The following WWOX variants were observed in gnomAD, a reference collection of about 807,000 sequenced individuals.
WWOX encodes the protein WW domain containing oxidoreductase, also known as WW domain-containing oxidoreductase.
A neutral mutation model predicts 46.2 loss-of-function variants in WWOX; 69 were observed. That is an observed-to-expected ratio of 1.49 (90% confidence interval 1.23 to 1.82). The LOEUF (loss-of-function observed/expected upper bound fraction) is 1.82, where lower values mean the gene tolerates loss of function less well. WWOX is among the 40% of genes most tolerant of loss of function. The probability of loss-of-function intolerance (pLI) is 0.00; values close to 1 mark genes in which losing one functional copy is unlikely to be tolerated. For synonymous variants in WWOX, 359 were observed against 202.6 expected (o/e 1.77, Z -6.56); for missense variants, 919 against 542.6 (o/e 1.69, Z -6.89).
At chr16:78,609,357 G>A (rs967494443) in intron 8 of WWOX, among the ~76,000 whole-genome samples, 6 of 151,824 alleles carry the variant, frequency 4.0e-5, no homozygotes, top group African/African-American at 7.3e-5. Context: ...TTATTTTCTT[G>A]CTCAGAGAGG....
intron 8 of WWOX, among the ~76,000 whole-genome samples, chr16:79,068,371 G>T (rs1276499661): frequency 6.6e-6 from 1 of 152,150 alleles, no homozygotes; most frequent in East Asian, 1.9e-4. Context: ...TTGTTCAGTG[G>T]TAAGGTGCAG....
intron 8 of WWOX, among the ~76,000 whole-genome samples, chr16:78,615,468 G>A (rs1048400455): frequency 6.6e-6 from 1 of 152,014 alleles, no homozygotes; most frequent in Non-Finnish European, 1.5e-5. Flanking sequence ...GGGCAGCATA[G>A]CACGACCCAT....
chr16:78,119,137 A>T (rs2032964136), intron 4 of WWOX: 1 of 152,154 alleles, frequency 6.6e-6, no homozygotes, highest in African/African-American at 2.4e-5. Context: ...GGAGGAATTC[A>T]TTTCTGTTTG....
At chr16:78,796,501 T>G (rs2050741592) in intron 8 of WWOX, among the ~76,000 whole-genome samples, 1 of 152,242 alleles carries the variant, frequency 6.6e-6, no homozygotes. Flanking sequence ...TGGTGATGCC[T>G]CGAGGAGGCA....
At chr16:79,051,809 A>G (rs1302561853) in intron 8 of WWOX, among the ~76,000 whole-genome samples, 1 of 152,200 alleles carries the variant, frequency 6.6e-6, no homozygotes, top group Non-Finnish European at 1.5e-5. Context: ...ACATTCTTAA[A>G]TATCTGCTAG....
intron 7 of WWOX, among the ~76,000 whole-genome samples, chr16:78,425,326 A>G (rs2083051727): frequency 6.6e-6 from 1 of 152,208 alleles, no homozygotes; most frequent in African/African-American, 2.4e-5. Flanking sequence ...ATAATAATTG[A>G]TGAAATCTGA....
chr16:78,432,777 C>T lies in WWOX; in HGVS notation c.1056+25C>T, dbSNP rs757159180. 72 of 1,613,906 alleles carry T rather than the reference C, an allele frequency of 4.5e-5. 1 individual carries two copies. Among genetic ancestry groups the T allele is most frequent in the Non-Finnish European group, 4.2e-6 (5 of 1,179,990 alleles). ...GGTAAGAGAACAGCTTCTGGCGCCGCAAACACCTTGGGTCCTAGAGAAACC... is the reference window on the plus strand; with the variant it reads ...GGTAAGAGAACAGCTTCTGGCGCCGTAAACACCTTGGGTCCTAGAGAAACC... On this transcript the variant is annotated intron_variant, in intron 8 of 8. Coordinates refer to ENST00000566780, the MANE Select transcript of WWOX (RefSeq NM_016373.4).
At chr16:78,827,070 C>T (rs2051677616) in intron 8 of WWOX, among the ~76,000 whole-genome samples, 1 of 152,140 alleles carries the variant, frequency 6.6e-6, no homozygotes. Flanking sequence ...GAGCTTTGAT[C>T]CCTGGTTTCT....
At chr16:78,919,564 A>G (rs2151267565) in intron 8 of WWOX, among the ~76,000 whole-genome samples, 1 of 134,100 alleles carries the variant, frequency 7.5e-6, no homozygotes, top group East Asian at 2.2e-4. Context: ...TGTCTGCCAG[A>G]TGGAGCACAA....
chr16:78,817,169 A>ATTTTTTTTTT (rs1460643310), intron 8 of WWOX, among the ~76,000 whole-genome samples: 2 of 26,584 alleles, frequency 7.5e-5, no homozygotes, highest in African/African-American at 1.5e-4. Context: ...CATTAGTGCT[A>ATTTTTTTTTT]TTCTTTTTTT....
At chr16:78,647,328 A>T (rs1350624017) in intron 8 of WWOX, among the ~76,000 whole-genome samples, 1 of 152,264 alleles carries the variant, frequency 6.6e-6, no homozygotes, top group South Asian at 2.1e-4. Context: ...ATGAGGAGTA[A>T]CTGAGCTGCA....
At chr16:79,089,298 A>G (rs2048909825) in intron 8 of WWOX, among the ~76,000 whole-genome samples, 2 of 151,188 alleles carry the variant, frequency 1.3e-5, no homozygotes, top group Non-Finnish European at 2.9e-5. Context: ...GTTTGATTAT[A>G]AATTAGCGTC....
intron 8 of WWOX, among the ~76,000 whole-genome samples, chr16:79,013,836 C>G (rs543608848): frequency 5.9e-5 from 9 of 152,244 alleles, no homozygotes; most frequent in Admixed American, 2.6e-4. Flanking sequence ...CCTCTTTATT[C>G]TACTTTTCAT....
intron 8 of WWOX, among the ~76,000 whole-genome samples, chr16:78,482,433 T>C (rs1054407930): frequency 6.6e-6 from 1 of 152,134 alleles, no homozygotes; most frequent in Non-Finnish European, 1.5e-5. Context: ...ATGTTAGCCA[T>C]GCTGGCCTCG....
chr16:78,890,167 A>T (rs35263951), intron 8 of WWOX: 2 of 151,976 alleles, frequency 1.3e-5, no homozygotes, highest in East Asian at 1.9e-4. Context: ...TTTGAAGCAC[A>T]TATACACACT....
At chr16:78,425,142 T>A (rs2083046720) in intron 7 of WWOX, 87 bp downstream of exon 7, 1 of 1,561,276 alleles carries the variant, frequency 6.4e-7, no homozygotes, top group African/African-American at 1.4e-5. Flanking sequence ...AAAATAATTT[T>A]CATTAGTCCT....
intron 8 of WWOX, among the ~76,000 whole-genome samples, chr16:78,640,939 C>CAAA (rs11378985): frequency 3.7e-5 from 5 of 133,984 alleles, no homozygotes; most frequent in East Asian, 2.2e-4. Context: ...ATTCTGTCTT[C>CAAA]AAAAAAAAAA....
chr16:79,105,109 G>C (rs2049281772), intron 8 of WWOX, among the ~76,000 whole-genome samples: 2 of 152,152 alleles, frequency 1.3e-5, no homozygotes. Flanking sequence ...CCCCTCACCT[G>C]CTGGGGGTCT....
intron 5 of WWOX, among the ~76,000 whole-genome samples, chr16:78,287,795 A>C (rs1373847934): frequency 1.3e-5 from 2 of 152,122 alleles, no homozygotes; most frequent in Non-Finnish European, 2.9e-5. Context: ...TCCTAAACTT[A>C]AAAAAATTTT....
Sources: allele counts gnomAD v4.1 joint callset (sites outside exome capture counted in the v4.1 genomes callset), GRCh38; gene constraint gnomAD v4.1.1; transcripts MANE v1.5; gene names NCBI Gene and HGNC (gene_info 2026-07-23, HGNC 2026-07-21).